CELSR1: variants seen among roughly 807,000 people sequenced by gnomAD.
CELSR1 encodes the protein adhesion G protein-coupled receptor C1.
Under a neutral mutation model 249.1 loss-of-function variants are expected in CELSR1, and 110 were observed. That is an observed-to-expected ratio of 0.44 (90% CI 0.38 to 0.52). The LOEUF (loss-of-function observed/expected upper bound fraction) is 0.52. Ranked by LOEUF, CELSR1 falls within the 20% of genes least tolerant of loss-of-function variation. The pLI, the probability that CELSR1 is intolerant of heterozygous loss-of-function variation, is 0.00. For synonymous variants in CELSR1, 2,113 were observed against 1,900.0 expected (o/e 1.11, Z -2.92); for missense variants, 4,109 against 4,296.4 (o/e 0.96, Z 1.22).
intron 9 of CELSR1, among the ~76,000 whole-genome samples, chr22:46,403,509 A>C (rs2079230105): frequency 6.6e-6 from 1 of 152,214 alleles, no homozygotes; most frequent in East Asian, 1.9e-4. Flanking sequence ...GTGAGACGAG[A>C]TCAAGCCACT....
rs1423195098 is a variant in CELSR1, at chr22:46,401,098, G to C, written c.5227-1196C>G. Among the ~76,000 whole-genome samples, 2 of 152,130 alleles carry C rather than the reference G, an allele frequency of 1.3e-5. No homozygotes were observed. The highest frequency in any genetic ancestry group is 2.9e-5 in the Non-Finnish European group (2 of 68,032). On this transcript the variant is annotated intron_variant, in intron 9 of 34. Transcript: ENST00000674500. This position sits in a 1 kb window ranked among gnomAD's most constrained non-coding sequence, Gnocchi z 4.7. The stretch of plus-strand genomic sequence containing the variant: ...AAGCGCCAAGAACAAGCCCCATTAG[G>C]CTTTTAAGTACTGGGACCCAGCTCG...
rs111632833 is a variant in CELSR1 at position 46,365,165 on chromosome 22, A to G, written c.8554+66T>C. 9,030 of 1,546,594 alleles carry G rather than the reference A, an allele frequency of 5.8e-3. 404 individuals carry two copies. The African/African-American group carries it at 0.1, about 17-fold the overall frequency. Reference sequence around the variant, plus strand: ...TCCTGGGAGGAAGGGACCCAGCCATAGCCAAGGCCTGCCCCGAGCCCGCTG... The same window carrying G: ...TCCTGGGAGGAAGGGACCCAGCCATGGCCAAGGCCTGCCCCGAGCCCGCTG... On this transcript the variant is annotated intron_variant, in intron 32 of 34. Transcript: ENST00000674500.
chr22:46,524,550 GTGTGTGTGTGTGTGTGTGTGTCTGTC>G (rs2080718955), intron 1 of CELSR1, among the ~76,000 whole-genome samples: 1 of 38,156 alleles, frequency 2.6e-5, no homozygotes, highest in Non-Finnish European at 5.2e-5. Flanking sequence ...GCGTGTGTGT[GTGTGTGTGTGTGTGTGTGTGTCTGTC>G]TGTCTGTGTG....
intron 1 of CELSR1, among the ~76,000 whole-genome samples, chr22:46,495,587 G>A (rs1055675916): frequency 6.6e-6 from 1 of 152,126 alleles, no homozygotes; most frequent in Non-Finnish European, 1.5e-5. Context: ...TGTAATCCCA[G>A]CACTTTGGGA....
rs1352465175 is a variant in CELSR1 at position 46,374,821 on chromosome 22, G to GGATGTGAAGAAACCCCTCCGCA, written c.7585-1786_7585-1765dup. ...CCATTGCGGGGATGCGCCCGGCTGCGGATGTGAAGAAACCCCTCCGCAGGA... is the reference window on the plus strand; with the variant it reads ...CCATTGCGGGGATGCGCCCGGCTGCGGATGTGAAGAAACCCCTCCGCAGATGTGAAGAAACCCCTCCGCAGGA... On this transcript the variant is annotated intron_variant, in intron 24 of 34. Transcript: ENST00000674500. The surrounding 1 kb of genome is among the most constrained non-coding windows in gnomAD (Gnocchi z 4.3). Among the ~76,000 whole-genome samples the GGATGTGAAGAAACCCCTCCGCA allele has an allele frequency of 6.6e-6, 1 of 152,182 alleles. No individual in the cohort carries two copies. Among genetic ancestry groups the GGATGTGAAGAAACCCCTCCGCA allele is most frequent in the African/African-American group, 2.4e-5 (1 of 41,408 alleles).
intron 1 of CELSR1, among the ~76,000 whole-genome samples, chr22:46,505,505 C>T (rs2080506776): frequency 6.6e-6 from 1 of 151,998 alleles, no homozygotes; most frequent in Non-Finnish European, 1.5e-5. Flanking sequence ...CCTGTAGTCC[C>T]AGCTACTGGG....
rs151213297 is a variant in CELSR1 at position 46,534,566 on chromosome 22, T to C, written c.2605A>G (p.Ile869Val). The C allele has an allele frequency of 1.1e-5, 18 of 1,613,756 alleles. No individual in the cohort carries two copies. Among genetic ancestry groups the C allele is most frequent in the Middle Eastern group, 1.6e-4 (1 of 6,062 alleles). Residue 869 changes from isoleucine (I) to valine (V), a missense_variant, in exon 1 of 35, where the codon ATC becomes GTC. By Grantham distance (29) the Ile-to-Val change is conservative. Around this residue, in one of 7 missense-constraint regions of CELSR1, gnomAD observed 886 missense variants for 896.5 expected, o/e 0.99. Coordinates refer to ENST00000674500, the MANE Select transcript of CELSR1 (RefSeq NM_001378328.1). This position sits in a 1 kb window ranked among gnomAD's most constrained non-coding sequence, Gnocchi z 9.7. ...GTGGTGGTGTCTGATTTCTGCGGGA[T>C]GCCGTTGTCCTGGGCCATGATGGTC... ...TLTIMAQDNGIPQKSDTTTLE... is the reference protein window; with the variant it reads ...TLTIMAQDNGVPQKSDTTTLE...
At chr22:46,364,433 C>T in intron 33 of CELSR1, 79 bp downstream of exon 33, 2 of 1,524,226 alleles carry the variant, frequency 1.3e-6, no homozygotes, top group Admixed American at 1.8e-5. Flanking sequence ...CAGCCCCAGC[C>T]CCACTCCCAC....
rs985935164 is a variant in CELSR1 at position 46,408,743 on chromosome 22, G to A, written c.5226+253C>T. Among the ~76,000 whole-genome samples, 6 of 152,190 alleles carry A rather than the reference G, an allele frequency of 3.9e-5. No individual in the cohort carries two copies. Among genetic ancestry groups the A allele is most frequent in the African/African-American group, 1.4e-4 (6 of 41,444 alleles). ...CTCCAGCCAAACCCTCAGGCTAGAGGGAGACCAGAACTGCCGCTGAGCTCT... is the reference window on the plus strand; with the variant it reads ...CTCCAGCCAAACCCTCAGGCTAGAGAGAGACCAGAACTGCCGCTGAGCTCT... On this transcript the variant is annotated intron_variant, in intron 9 of 34. Transcript: ENST00000674500. The surrounding 1 kb of genome is among the most constrained non-coding windows in gnomAD (Gnocchi z 4.6).
rs566432549 is a variant in CELSR1 at position 46,464,470 on chromosome 22, C to G, written c.3545-125G>C. ...AGAAGAGAGCCTGGGCATCCCCACT[C>G]CCCATTCCCCACCCATGACCACCAC... On this transcript the variant is annotated intron_variant, in intron 1 of 34. Coordinates refer to ENST00000674500, the MANE Select transcript of CELSR1 (RefSeq NM_001378328.1). This position sits in a 1 kb window ranked among gnomAD's most constrained non-coding sequence, Gnocchi z 8.5. 2 of 960,048 alleles carry G rather than the reference C, an allele frequency of 2.1e-6. No individual in the cohort carries two copies. The highest frequency in any genetic ancestry group is 1.7e-5 in the South Asian group (1 of 59,654). The allele number at this position is 960,048 out of a possible 1,614,324, so 59.5% of individuals were successfully genotyped here. A position where few individuals can be genotyped will look rare whatever the true frequency, so the allele number is the denominator to read the frequency against.
intron 27 of CELSR1, among the ~76,000 whole-genome samples, chr22:46,368,842 A>T (rs1198331853): frequency 2.0e-5 from 3 of 151,906 alleles, no homozygotes; most frequent in Non-Finnish European, 4.4e-5. Flanking sequence ...CACCCACCAG[A>T]AAGTTTCATC....
chr22:46,518,926 G>A lies in CELSR1; in HGVS notation c.3544+14701C>T, dbSNP rs181870745. On this transcript the variant is annotated intron_variant, in intron 1 of 34. Transcript: ENST00000674500. This position sits in a 1 kb window ranked among gnomAD's most constrained non-coding sequence, Gnocchi z 5.2. ...CGCATGCCTGTAATCCCAGCTACTC[G>A]GGAGGCAGAGGCAGGAGAATCGCTT... Among the ~76,000 whole-genome samples the A allele has an allele frequency of 5.3e-5, 8 of 152,178 alleles. No individual in the cohort carries two copies. The highest frequency in any genetic ancestry group is 2.1e-4 in the South Asian group (1 of 4,814).
At position 46,374,859 on chromosome 22, in the gene CELSR1, C is replaced by T. The variant is rs117826558; in HGVS notation, c.7585-1802G>A. On this transcript the variant is annotated intron_variant, in intron 24 of 34. Coordinates refer to ENST00000674500, the MANE Select transcript of CELSR1 (RefSeq NM_001378328.1). This position sits in a 1 kb window ranked among gnomAD's most constrained non-coding sequence, Gnocchi z 4.3. The stretch of plus-strand genomic sequence containing the variant: ...CCCCTCCGCAGGAGCAGCGACCCTG[C>T]CATATGGGCCCCGCACACGGAGCCC... Among the ~76,000 whole-genome samples, 3,241 of 152,242 alleles carry T rather than the reference C, an allele frequency of 0.021. 46 individuals carry two copies. The highest frequency in any genetic ancestry group is 0.051 in the Middle Eastern group (15 of 294).
In CELSR1 at chr22:46,363,711, G is replaced by A. The variant is rs562958612; in HGVS notation, c.9035+285C>T. On this transcript the variant is annotated intron_variant, in intron 34 of 34. Transcript: ENST00000674500. This position sits in a 1 kb window ranked among gnomAD's most constrained non-coding sequence, Gnocchi z 4.3. ...CAGGCGGAGACAATGCTGATCAAAC[G>A]CAGAGCCCAGCACCTTAGGTCCTAG... 6.3e-6 allele frequency: 3 copies of A among 475,696 alleles called. No individual in the cohort carries two copies. Among genetic ancestry groups the A allele is most frequent in the Admixed American group, 3.9e-5 (1 of 25,802 alleles). The allele number at this position is 475,696 out of a possible 1,614,324, so 29.5% of individuals were successfully genotyped here. A position where few individuals can be genotyped will look rare whatever the true frequency, so the allele number is the denominator to read the frequency against.
rs1337626530 is a variant in CELSR1, at chr22:46,393,492, C to T, written c.5964+650G>A. 6.6e-6 allele frequency among the ~76,000 whole-genome samples: 1 copy of T among 152,196 alleles called. No homozygotes were observed. Among genetic ancestry groups the T allele is most frequent in the African/African-American group, 2.4e-5 (1 of 41,438 alleles). The stretch of plus-strand genomic sequence containing the variant: ...GTGGCTCACGCCTGTAATCCCAGCA[C>T]TCTGGGAGGCTGAGGCGGGCGGATC... On this transcript the variant is annotated intron_variant, in intron 14 of 34. Transcript: ENST00000674500. The surrounding 1 kb of genome is among the most constrained non-coding windows in gnomAD (Gnocchi z 4.1).
At chr22:46,493,540 C>T (rs62233282) in intron 1 of CELSR1, among the ~76,000 whole-genome samples, 14,833 of 100,506 alleles carry the variant, frequency 0.15, 896 homozygotes, top group South Asian at 0.24. Context: ...AACGAGACTC[C>T]GTCTCAAAAA....
At position 46,410,526 on chromosome 22, in the gene CELSR1, C is replaced by T. The variant is rs762582223; in HGVS notation, c.4805G>A (p.Gly1602Asp). 1.2e-6 allele frequency: 2 copies of T among 1,613,792 alleles called. No individual in the cohort carries two copies. Among genetic ancestry groups the T allele is most frequent in the Admixed American group, 1.7e-5 (1 of 60,002 alleles). ...LDLTGPLLLGGVPNLPEDFPV... is the reference protein window; with the variant it reads ...LDLTGPLLLGDVPNLPEDFPV... The stretch of plus-strand genomic sequence containing the variant: ...GAAGTCTTCTGGCAGGTTGGGGACA[C>T]CCCCCAGGAGTAGAGGGCCGGTCAG... The change falls in exon 7 of 35, where the codon GGT becomes GAT. Residue 1602 changes from glycine (G) to aspartate (D), a missense_variant. Gly to Asp is a moderately conservative substitution (Grantham distance 94, BLOSUM62 -1). Transcript: ENST00000674500. The surrounding 1 kb of genome is among the most constrained non-coding windows in gnomAD (Gnocchi z 6.8).
intron 1 of CELSR1, among the ~76,000 whole-genome samples, chr22:46,513,461 G>C (rs1032144658): frequency 6.6e-6 from 1 of 152,142 alleles, no homozygotes; most frequent in Non-Finnish European, 1.5e-5. Flanking sequence ...CTAAAAGGGA[G>C]GCAATCCAAC....
chr22:46,365,744 C>T lies in CELSR1; in HGVS notation c.8301-55G>A, dbSNP rs1019118984. On this transcript the variant is annotated intron_variant, in intron 30 of 34. Coordinates refer to ENST00000674500, the MANE Select transcript of CELSR1 (RefSeq NM_001378328.1). ...ATCATCCGTCAGGGAACAGGAGGTG[C>T]TGGAAAGTTCTCTGGAAGATTCTCT... The T allele has an allele frequency of 2.6e-5, 36 of 1,388,644 alleles. No individual in the cohort carries two copies. In the South Asian group the frequency reaches 4.4e-4, roughly 17 times the overall value. 86.0% of individuals were successfully genotyped at this position (1,388,644 alleles called of 1,614,324 possible). A position where few individuals can be genotyped will look rare whatever the true frequency, so the allele number is the denominator to read the frequency against.
Sources: gnomAD v4.1 joint callset for allele counts (sites outside exome capture counted in the v4.1 genomes callset) on GRCh38, gnomAD v4.1.1 for gene constraint, gnomAD v4.1.1 regional missense constraint, Gnocchi (gnomAD v3.1) non-coding constraint, MANE v1.5 for transcripts, NCBI Gene and HGNC (gene_info 2026-07-23, HGNC 2026-07-21) for gene names.